Variants in GTF3C5 observed in about 807,000 individuals in gnomAD.
GTF3C5 encodes general transcription factor 3C polypeptide 5.
A neutral mutation model predicts 61.0 loss-of-function variants in GTF3C5; 47 were observed. The observed-to-expected ratio is 0.77, with a 90% CI of 0.61 to 0.98. The LOEUF (loss-of-function observed/expected upper bound fraction) is 0.98. GTF3C5 is among the 50% of genes least tolerant of loss of function. The pLI, the probability that GTF3C5 is intolerant of heterozygous loss-of-function variation, is 0.00. For missense variants in GTF3C5, 659 were observed against 703.3 expected, an observed-to-expected ratio of 0.94 and a Z score of 0.71; for synonymous variants, 295 against 275.4, an observed-to-expected ratio of 1.07 and a Z score of -0.71.
At chr9:133,039,459 A>C (rs1849973675) in intron 1 of GTF3C5, among the ~76,000 whole-genome samples, 1 of 152,176 alleles carries the variant, frequency 6.6e-6, no homozygotes, top group South Asian at 2.1e-4. Flanking sequence ...GCTGGAGTGC[A>C]GTAGAGCAAT....
intron 3 of GTF3C5, among the ~76,000 whole-genome samples, chr9:133,045,034 G>A (rs756919347): frequency 5.3e-5 from 8 of 152,178 alleles, no homozygotes; most frequent in Non-Finnish European, 8.8e-5. Context: ...GCAGGCCTGG[G>A]CATTGTCAAA....
intron 1 of GTF3C5, among the ~76,000 whole-genome samples, chr9:133,038,112 T>TA (rs1454261672): frequency 1.6e-4 from 24 of 152,074 alleles, no homozygotes; most frequent in South Asian, 6.2e-4. Flanking sequence ...GAAGGGCAGT[T>TA]ACAGAGCGGG....
chr9:133,057,034 G>T (rs1048376078), intron 10 of GTF3C5, 126 bp downstream of exon 10: 19 of 881,606 alleles, frequency 2.2e-5, no homozygotes, highest in Non-Finnish European at 3.1e-5. Flanking sequence ...CCCTGGCCCT[G>T]GTGGGAGGAG....
Position 133,058,212 on chromosome 9 carries a change from G to T in GTF3C5, c.*232G>T. On this transcript the variant is annotated 3_prime_UTR_variant, in exon 11 of 11. Coordinates refer to ENST00000372097, the MANE Select transcript of GTF3C5 (RefSeq NM_012087.4). The stretch of plus-strand genomic sequence containing the variant: ...GGACATCCCCAAAGGGTATACCCTG[G>T]CTCTGCCACCCATGAACCAGCCCAG... 7.8e-7 allele frequency: 1 copy of T among 1,286,544 alleles called. No individual in the cohort carries two copies. Among genetic ancestry groups the T allele is most frequent in the Non-Finnish European group, 9.9e-7 (1 of 1,007,180 alleles). 79.7% of individuals were successfully genotyped at this position (1,286,544 alleles called of 1,614,324 possible).
At chr9:133,051,788 CTA>C (rs1850388616) in intron 4 of GTF3C5, among the ~76,000 whole-genome samples, 1 of 152,246 alleles carries the variant, frequency 6.6e-6, no homozygotes, top group African/African-American at 2.4e-5. Context: ...GCTGTGGGCT[CTA>C]TGAGGACAGC....
upstream of GTF3C5, chr9:133,030,782 C>A (rs1338321684): frequency 6.3e-6 from 4 of 638,958 alleles, no homozygotes; most frequent in Non-Finnish European, 1.1e-5. Context: ...GACTAACTCG[C>A]TTAATTTTAA....
At chr9:133,056,620 G>A (rs549247020) in intron 9 of GTF3C5, 146 bp from the exon 10 acceptor site, 4 of 687,070 alleles carry the variant, frequency 5.8e-6, no homozygotes, top group African/African-American at 5.5e-5. Context: ...CACACAGCTT[G>A]TGTTTCCAGT....
intron 1 of GTF3C5, among the ~76,000 whole-genome samples, chr9:133,034,032 A>G (rs1849801203): frequency 6.6e-6 from 1 of 151,990 alleles, no homozygotes; most frequent in Non-Finnish European, 1.5e-5. Context: ...GAGGGTTCCT[A>G]TGGGATCCCG....
chr9:133,036,139 A>T (rs760816869), intron 1 of GTF3C5, among the ~76,000 whole-genome samples: 1 of 152,158 alleles, frequency 6.6e-6, no homozygotes, highest in Non-Finnish European at 1.5e-5. Context: ...TCTATAAATA[A>T]GTGCTGCCCT....
At chr9:133,041,288 C>A (rs973814845) in intron 1 of GTF3C5, among the ~76,000 whole-genome samples, 1 of 152,196 alleles carries the variant, frequency 6.6e-6, no homozygotes, top group Non-Finnish European at 1.5e-5. Flanking sequence ...CAGACCTGCC[C>A]GCAGTTATCC....
rs1849813717 is a variant in GTF3C5 at position 133,034,558 on chromosome 9, C to T, written c.153+3394C>T. 2.0e-5 allele frequency among the ~76,000 whole-genome samples: 3 copies of T among 152,278 alleles called. No individual in the cohort carries two copies. The South Asian group carries it at 6.2e-4, about 32-fold the overall frequency. On this transcript the variant is annotated intron_variant, in intron 1 of 10. Transcript: ENST00000372097. ...GGTCCCGGGGTGACAGCCCATTTTT[C>T]CCTGTCTGTGGACATTACTCCTTTC...
intron 1 of GTF3C5, among the ~76,000 whole-genome samples, chr9:133,034,464 T>C (rs978176464): frequency 3.3e-5 from 5 of 152,196 alleles, no homozygotes; most frequent in African/African-American, 7.2e-5. Flanking sequence ...GATGACCTTA[T>C]GTTGGAAAGA....
chr9:133,044,304 C>T (rs942676756), intron 3 of GTF3C5: 4 of 224,650 alleles, frequency 1.8e-5, no homozygotes, highest in African/African-American at 9.3e-5. Context: ...GCCAGGTTGG[C>T]CTCAGTCCTG....
intron 8 of GTF3C5, chr9:133,055,056 C>T (rs529718489): frequency 6.4e-7 from 1 of 1,551,490 alleles, no homozygotes; most frequent in Non-Finnish European, 8.7e-7. Context: ...CTGGCACCAG[C>T]AGCTGCATGT....
At chr9:133,037,696 C>A (rs1293836110) in intron 1 of GTF3C5, among the ~76,000 whole-genome samples, 1 of 152,138 alleles carries the variant, frequency 6.6e-6, no homozygotes, top group African/African-American at 2.4e-5. Flanking sequence ...GTTCCTGCTT[C>A]AGGGATTAGC....
At chr9:133,038,904 A>G (rs923025417) in intron 1 of GTF3C5, among the ~76,000 whole-genome samples, 25 of 152,148 alleles carry the variant, frequency 1.6e-4, no homozygotes, top group Non-Finnish European at 5.9e-5. Context: ...GGGGAGATGA[A>G]GCTCTGTTGA....
At position 133,055,459 on chromosome 9, in the gene GTF3C5, G is replaced by T. The variant is rs536072422; in HGVS notation, c.1168-553G>T. ...TTTCTAGGTTTTTTAGACCTTTGCT[G>T]CCTTCCCAGTGAGGGGCGATCATGC... On this transcript the variant is annotated intron_variant, in intron 8 of 10. Coordinates refer to ENST00000372097, the MANE Select transcript of GTF3C5 (RefSeq NM_012087.4). 1.2e-4 allele frequency: 149 copies of T among 1,220,702 alleles called. No individual in the cohort carries two copies. The African/African-American group carries it at 2.2e-3, about 18-fold the overall frequency. 75.6% of individuals were successfully genotyped at this position (1,220,702 alleles called of 1,614,324 possible). A position where few individuals can be genotyped will look rare whatever the true frequency, so the allele number is the denominator to read the frequency against.
chr9:133,053,832 C>T lies in GTF3C5; in HGVS notation c.878C>T (p.Thr293Ile). ...TTCCCCACTTTTCTGTCCCAGATAA[C>T]AGGCCCCTGGCGCAGCCTATGGATT... ...LLPFIAYYMI[T>I]GPWRSLWIRF... Residue 293 changes from threonine to isoleucine, a missense_variant, in exon 6 of 11, where the codon ACA (threonine) becomes ATA (isoleucine). Coordinates refer to ENST00000372097, the MANE Select transcript of GTF3C5 (RefSeq NM_012087.4). 6.2e-7 allele frequency: 1 copy of T among 1,602,128 alleles called. No homozygotes were observed. Among genetic ancestry groups the T allele is most frequent in the Non-Finnish European group, 8.5e-7 (1 of 1,171,254 alleles).
At chr9:133,052,693 G>A (rs1322404112) in intron 5 of GTF3C5, among the ~76,000 whole-genome samples, 1 of 152,198 alleles carries the variant, frequency 6.6e-6, no homozygotes, top group Non-Finnish European at 1.5e-5. Flanking sequence ...AGAGCATTAG[G>A]GGAGGCCAGC....
Sources: allele counts gnomAD v4.1 joint callset (sites outside exome capture counted in the v4.1 genomes callset), GRCh38; gene constraint gnomAD v4.1.1; transcripts MANE v1.5; gene names NCBI Gene and HGNC (gene_info 2026-07-23, HGNC 2026-07-21).